SPTBN5: variants seen among roughly 807,000 people sequenced by gnomAD.
SPTBN5 encodes the protein spectrin beta, non-erythrocytic 5, also known as spectrin beta chain, non-erythrocytic 5.
Under a neutral mutation model 477.6 loss-of-function variants are expected in SPTBN5, and 513 were observed. The observed-to-expected ratio is 1.07, with a 90% CI of 1.00 to 1.16. SPTBN5 has a LOEUF of 1.16. Among genes scored for constraint, SPTBN5 ranks in the 50% most tolerant of loss-of-function variants. The pLI is 0.00. For missense variants in SPTBN5, 5,062 were observed against 4,731.8 expected (o/e 1.07, Z -2.05); for synonymous variants, 2,169 against 2,011.7 (o/e 1.08, Z -2.09).
intron 35 of SPTBN5, 122 bp downstream of exon 35, chr15:41,867,416 C>A (rs2066362152): frequency 2.0e-6 from 2 of 999,686 alleles, no homozygotes; most frequent in Admixed American, 1.9e-5. Flanking sequence ...CCAACCAGGA[C>A]CCCAGCCTTG....
At chr15:41,892,304 A>C (rs1427921900) in intron 3 of SPTBN5, among the ~76,000 whole-genome samples, 8 of 145,356 alleles carry the variant, frequency 5.5e-5, no homozygotes, top group African/African-American at 1.3e-4. Flanking sequence ...GCCCCACCCC[A>C]CCCCTGCACC....
Position 41,850,845 on chromosome 15 carries a change from G to A in SPTBN5, c.10921+9C>T. On this transcript the variant is annotated intron_variant, in intron 66 of 67. Transcript: ENST00000320955. ...GCCGCCCTCCCCGCATCCTTCCCCT[G>A]AAGCCCACCTGCAGTGCTGCCCAGG... The A allele has an allele frequency of 6.9e-6, 11 of 1,587,856 alleles. No individual in the cohort carries two copies. The highest frequency in any genetic ancestry group is 9.4e-6 in the Non-Finnish European group (11 of 1,168,098).
Position 41,872,453 on chromosome 15 carries a change from G to A in SPTBN5, c.5014C>T (p.Gln1672Ter), listed in dbSNP as rs780954648. The A allele has an allele frequency of 8.3e-6, 13 of 1,557,660 alleles. No individual in the cohort carries two copies. The highest frequency in any genetic ancestry group is 1.0e-5 in the Non-Finnish European group (12 of 1,151,192). Residue 1672 changes from glutamine to a stop codon, truncating the protein, a stop_gained, in exon 27 of 68, where the codon CAG becomes TAG. Coordinates refer to ENST00000320955, the MANE Select transcript of SPTBN5 (RefSeq NM_016642.4). LOFTEE classifies it high-confidence loss of function. ...CTCCAGTAAATGGCTAGTTCCTCCT[G>A]TAGAGCCTATGATGCATGAGGACCC... ...LRLINKHQAL[Q>*]EELAIYWSSM...
At position 41,887,685 on chromosome 15, in the gene SPTBN5, T is replaced by C. The variant is rs180848250; in HGVS notation, c.659+243A>G. On this transcript the variant is annotated intron_variant, in intron 5 of 67. Coordinates refer to ENST00000320955, the MANE Select transcript of SPTBN5 (RefSeq NM_016642.4). ...TCCAAAGGGCAGGTGCTGCAGGGTG[T>C]AGAACATGAATAGAATTGAGGGGCA... 2.6e-5 allele frequency among the ~76,000 whole-genome samples: 4 copies of C among 152,088 alleles called. No homozygotes were observed. The East Asian group carries it at 7.7e-4, about 29-fold the overall frequency.
chr15:41,858,741 G>A lies in SPTBN5; in HGVS notation c.8087C>T (p.Ala2696Val), dbSNP rs372953121. 78 of 1,608,970 alleles carry A rather than the reference G, an allele frequency of 4.8e-5. No homozygotes were observed. Among genetic ancestry groups the A allele is most frequent in the Middle Eastern group, 1.6e-4 (1 of 6,082 alleles). Reference protein sequence around the residue: ...AFLQDSQEVAAWLREKNLVAL... With the variant: ...AFLQDSQEVAVWLREKNLVAL... ...CACCAGGTTCTTCTCCCTCAGCCAC[G>A]CAGCCACCTGGGCACATGGGGAGGA... is the stretch of plus-strand genomic sequence containing the variant. The change falls in exon 49 of 68, where the codon GCG (alanine) becomes GTG (valine). Residue 2696 changes from alanine (A) to valine (V), a missense_variant. Ala to Val is a moderately conservative substitution (Grantham distance 64). Coordinates refer to ENST00000320955, the MANE Select transcript of SPTBN5 (RefSeq NM_016642.4).
intron 54 of SPTBN5, 27 bp downstream of exon 54, chr15:41,855,522 T>C (rs753453361): frequency 6.2e-7 from 1 of 1,604,162 alleles, no homozygotes; most frequent in South Asian, 1.1e-5. Context: ...TCTCTGCTCC[T>C]TCGCGGATGG....
intron 16 of SPTBN5, 77 bp downstream of exon 16, chr15:41,879,182 CT>C: frequency 6.6e-7 from 1 of 1,517,114 alleles, no homozygotes. Context: ...ATTTCTGTCC[CT>C]TCCTCATTCC....
Position 41,856,469 on chromosome 15 carries a change from C to T in SPTBN5, c.8938G>A (p.Ala2980Thr), listed in dbSNP as rs368017872. 69 of 1,597,338 alleles carry T rather than the reference C, an allele frequency of 4.3e-5. 1 individual carries two copies. The African/African-American group carries it at 8.3e-4, about 19-fold the overall frequency. ...GCCTCTGCCCGCAGGTGGGCCATGG[C>T]CTTCTCCAGCTGCTGCACCCGGGCG... ...VAARVQQLEK[A>T]MAHLRAEAAR... Residue 2980 changes from alanine (A) to threonine (T), a missense_variant, in exon 53 of 68, where the codon GCC (alanine) becomes ACC (threonine). Physicochemically the swap from Ala to Thr is moderately conservative, Grantham distance 58. Transcript: ENST00000320955.
At chr15:41,887,530 G>T in intron 5 of SPTBN5, 89 bp from the exon 6 acceptor site, 3 of 1,030,626 alleles carry the variant, frequency 2.9e-6, no homozygotes, top group Non-Finnish European at 1.4e-6. Flanking sequence ...GCTCCTATTG[G>T]CCATTCACAT....
chr15:41,862,286 C>T lies in SPTBN5; in HGVS notation c.7392G>A (p.Glu2464=). Residue 2464 remains glutamate (E), a synonymous_variant, in exon 44 of 68, where the codon GAG becomes GAA. Coordinates refer to ENST00000320955, the MANE Select transcript of SPTBN5 (RefSeq NM_016642.4). Reference sequence around the variant, plus strand: ...GAGCTTGGTGCAAGGCATCCAGCGCCTCCCTCCTGCCCACAGCGCTCATCA... The same window carrying T: ...GAGCTTGGTGCAAGGCATCCAGCGCTTCCCTCCTGCCCACAGCGCTCATCA... ...QLRSRAQKRR[E]ALDALHQAQK... is the part of the protein sequence containing the mutation. 6.2e-7 allele frequency: 1 copy of T among 1,600,886 alleles called. No individual in the cohort carries two copies. Among genetic ancestry groups the T allele is most frequent in the Middle Eastern group, 1.7e-4 (1 of 6,008 alleles).
chr15:41,866,237 G>A lies in SPTBN5; in HGVS notation c.6631-8C>T. The A allele has an allele frequency of 6.3e-7, 1 of 1,588,136 alleles. No homozygotes were observed. On this transcript the variant is annotated splice_polypyrimidine_tract_variant and splice_region_variant and intron_variant, in intron 37 of 67. Transcript: ENST00000320955. The stretch of plus-strand genomic sequence containing the variant: ...CAGGAGAGCCTCTCCCTTCTGGAGG[G>A]AGAGAGGGGACACAGGACATCTTGC...
chr15:41,865,906 G>C lies in SPTBN5; in HGVS notation c.6823-3C>G, dbSNP rs1008586156. 2.5e-6 allele frequency: 4 copies of C among 1,570,468 alleles called. No homozygotes were observed. The highest frequency in any genetic ancestry group is 3.5e-6 in the Non-Finnish European group (4 of 1,158,014). On this transcript the variant is annotated splice_polypyrimidine_tract_variant and splice_region_variant and intron_variant, in intron 38 of 67. Coordinates refer to ENST00000320955, the MANE Select transcript of SPTBN5 (RefSeq NM_016642.4). ...TCACCAACATTCATCTTCACCTCCT[G>C]TGAAGGCCGAGGGTGGGGAGGGAGC...
Position 41,886,494 on chromosome 15 carries a change from G to T in SPTBN5, c.889-128C>A, listed in dbSNP as rs1057284510. On this transcript the variant is annotated intron_variant, in intron 6 of 67. Coordinates refer to ENST00000320955, the MANE Select transcript of SPTBN5 (RefSeq NM_016642.4). ...TCTGAGCCAAAGATGCTTTGAAGTG[G>T]TGGTACCCCCACCCCAGAGAACTGG... 1.9e-5 allele frequency: 20 copies of T among 1,080,240 alleles called. No individual in the cohort carries two copies. In the African/African-American group the frequency reaches 2.9e-4, roughly 15 times the overall value. 66.9% of individuals were successfully genotyped at this position (1,080,240 alleles called of 1,614,324 possible).
At chr15:41,874,133 G>A (rs2066637538) in intron 24 of SPTBN5, 88 bp from the exon 25 acceptor site, 1 of 1,514,892 alleles carries the variant, frequency 6.6e-7, no homozygotes, top group Admixed American at 2.0e-5. Flanking sequence ...CCCCAATCAT[G>A]GCAAGACCCC....
chr15:41,874,551 C>T, intron 23 of SPTBN5, 73 bp from the exon 24 acceptor site: 1 of 1,276,048 alleles, frequency 7.8e-7, no homozygotes, highest in Admixed American at 2.7e-5. Flanking sequence ...TTTCCTTGGC[C>T]AAGCCAGGGC....
At chr15:41,874,162 G>A (rs1423345681) in intron 24 of SPTBN5, 117 bp from the exon 25 acceptor site, 1 of 1,503,292 alleles carries the variant, frequency 6.7e-7, no homozygotes, top group East Asian at 2.3e-5. Context: ...AAATAGCTGG[G>A]GCAGAGATTT....
At chr15:41,876,990 G>A (rs1465212618) in intron 18 of SPTBN5, 42 bp from the exon 19 acceptor site, 1 of 1,581,532 alleles carries the variant, frequency 6.3e-7, no homozygotes, top group East Asian at 2.3e-5. Context: ...GGAGAATGGG[G>A]GTCAGGACCA....
At chr15:41,852,444 T>C in intron 61 of SPTBN5, 128 bp from the exon 62 acceptor site, 1 of 1,384,980 alleles carries the variant, frequency 7.2e-7, no homozygotes, top group Non-Finnish European at 9.9e-7. Flanking sequence ...TCACTAGCTC[T>C]TTCAGCTTTG....
intron 61 of SPTBN5, 29 bp from the exon 62 acceptor site, chr15:41,852,345 G>A (rs753458403): frequency 3.7e-5 from 57 of 1,539,356 alleles, no homozygotes; most frequent in Middle Eastern, 1.7e-4. Context: ...TGGGCAAGGT[G>A]AGCCAGGTCA....
Sources: allele counts gnomAD v4.1 joint callset (sites outside exome capture counted in the v4.1 genomes callset), GRCh38; gene constraint gnomAD v4.1.1; transcripts MANE v1.5; gene names NCBI Gene and HGNC (gene_info 2026-07-23, HGNC 2026-07-21).